The following ARHGEF3 variants were observed in gnomAD, a reference collection of about 807,000 sequenced individuals.
ARHGEF3 encodes 59.8 kDA protein.
ARHGEF3 carries 28 observed loss-of-function variants against 63.2 expected under a neutral mutation model. That is an observed-to-expected ratio of 0.44 (90% CI 0.33 to 0.61). ARHGEF3 has a LOEUF of 0.61. Among genes scored for constraint, ARHGEF3 ranks in the 20% least tolerant of loss-of-function variants. The pLI is 0.03. For synonymous variants in ARHGEF3, 266 were observed against 254.2 expected, an observed-to-expected ratio of 1.05 and a Z score of -0.44; for missense variants, 533 against 659.3, an observed-to-expected ratio of 0.81 and a Z score of 2.10.
In ARHGEF3 at chr3:57,010,039, C is replaced by T. The variant is rs1446407218; in HGVS notation, c.62+25049G>A. On this transcript the variant is annotated intron_variant, in intron 2 of 12. Transcript: ENST00000338458. ...ACCACAGGCAGCTGCCTTCTGAGCC[C>T]GGGCTTCTGACCTCAGGGCTTTCTC... 2.6e-5 allele frequency among the ~76,000 whole-genome samples: 4 copies of T among 152,122 alleles called. No individual in the cohort carries two copies. The South Asian group carries it at 6.2e-4, about 24-fold the overall frequency.
chr3:56,964,919 A>G (rs1026993157), intron 2 of ARHGEF3, among the ~76,000 whole-genome samples: 4 of 152,216 alleles, frequency 2.6e-5, no homozygotes, highest in African/African-American at 9.7e-5. Flanking sequence ...ATTCAAAAAG[A>G]GGTGGAAAGG....
intron 3 of ARHGEF3, among the ~76,000 whole-genome samples, chr3:56,920,124 G>A (rs191869320): frequency 2.0e-4 from 30 of 152,164 alleles, no homozygotes; most frequent in Admixed American, 2.0e-3. Flanking sequence ...TGTTAAAAGG[G>A]GGAAAAAAAC....
rs183474173 is a variant in ARHGEF3 at position 56,958,516 on chromosome 3, G to C, written c.129+307C>G. Among the ~76,000 whole-genome samples, 19 of 151,520 alleles carry C rather than the reference G, an allele frequency of 1.3e-4. 1 individual carries two copies. Among genetic ancestry groups the C allele is most frequent in the South Asian group, 4.2e-4 (2 of 4,764 alleles). On this transcript the variant is annotated intron_variant, in intron 3 of 12. Coordinates refer to the ARHGEF3 transcript ENST00000338458. ...GCTAATTTTCATATTTTTTTTTGTAGAGTAGCAGCTTCGCCATGTTGCCTA... is the reference window on the plus strand; with the variant it reads ...GCTAATTTTCATATTTTTTTTTGTACAGTAGCAGCTTCGCCATGTTGCCTA...
chr3:56,745,262 T>A lies in ARHGEF3; in HGVS notation c.813A>T (p.Arg271=), dbSNP rs1422533766. 9.3e-6 allele frequency: 15 copies of A among 1,613,970 alleles called. No individual in the cohort carries two copies. Among genetic ancestry groups the A allele is most frequent in the African/African-American group, 2.7e-5 (2 of 74,958 alleles). Reference sequence around the variant, plus strand: ...CATTTGGTGTGTGCCTCAAGATTTCTCGGAGAAGCAGAGGGTATTTTACCA... The same window carrying A: ...CATTTGGTGTGTGCCTCAAGATTTCACGGAGAAGCAGAGGGTATTTTACCA... ...SRLVKYPLLL[R]EILRHTPNDN... Residue 271 remains arginine (R), a synonymous_variant, in exon 7 of 10, where the codon CGA becomes CGT. Coordinates refer to ENST00000296315, the MANE Select transcript of ARHGEF3 (RefSeq NM_019555.3).
At chr3:57,007,108 T>C in intron 2 of ARHGEF3, 1 of 1,165,584 alleles carries the variant, frequency 8.6e-7, no homozygotes. Flanking sequence ...CCCAGCAAGG[T>C]GTACAGTTAC....
chr3:56,903,634 T>G (rs975001118), intron 3 of ARHGEF3, among the ~76,000 whole-genome samples: 3 of 152,200 alleles, frequency 2.0e-5, no homozygotes, highest in Admixed American at 2.0e-4. Context: ...GCTGCAGCCC[T>G]GCTAGCTCAC....
Position 56,732,340 on chromosome 3 carries a change from G to C in ARHGEF3, c.1126C>G (p.Arg376Gly), listed in dbSNP as rs201007278. Reference sequence around the variant, plus strand: ...AGGTCTTTCACGGGGATTGGCTGACGGTACAGCTGGTAGCAAAGCTGCTCA... The same window carrying C: ...AGGTCTTTCACGGGGATTGGCTGACCGTACAGCTGGTAGCAAAGCTGCTCA... ...HNEQLCYQLYRQPIPVKDLLL... is the reference protein window; with the variant it reads ...HNEQLCYQLYGQPIPVKDLLL... The change falls in exon 9 of 10, where the codon CGT (arginine) becomes GGT (glycine). Residue 376 changes from arginine to glycine, a missense_variant. Arg to Gly is a moderately radical substitution (Grantham distance 125). Transcript: ENST00000296315. The C allele has an allele frequency of 8.9e-5, 144 of 1,614,216 alleles. 4 individuals carry two copies. The South Asian group carries it at 1.3e-3, about 15-fold the overall frequency.
chr3:56,773,810 T>C lies in ARHGEF3; in HGVS notation c.103A>G (p.Ser35Gly). The C allele has an allele frequency of 1.9e-6, 3 of 1,586,700 alleles. No individual in the cohort carries two copies. The highest frequency in any genetic ancestry group is 2.6e-6 in the Non-Finnish European group (3 of 1,171,824). The change falls in exon 2 of 10, where the codon AGT becomes GGT. Residue 35 changes from serine (S) to glycine (G), a missense_variant. Coordinates refer to ENST00000296315, the MANE Select transcript of ARHGEF3 (RefSeq NM_019555.3). ...SGPAKDAEEP[S>G]NKRVKPLSRV... ...GAAAGGGGTTTGACCCGTTTATTAC[T>C]AGGCTCCTATAGAGTTAAAAAAAAA...
At chr3:56,884,222 T>C (rs933834857) in intron 3 of ARHGEF3, among the ~76,000 whole-genome samples, 27 of 152,106 alleles carry the variant, frequency 1.8e-4, no homozygotes, top group African/African-American at 5.8e-4. Flanking sequence ...GGAGTAAATA[T>C]AGTAATGCAT....
chr3:56,914,067 GT>G (rs1449534970), intron 3 of ARHGEF3, among the ~76,000 whole-genome samples: 2 of 152,324 alleles, frequency 1.3e-5, no homozygotes, highest in East Asian at 3.9e-4. Context: ...ATATGTGGGA[GT>G]TAAGCTATGA....
intron 2 of ARHGEF3, among the ~76,000 whole-genome samples, chr3:56,995,622 AGAG>A (rs1201053305): frequency 1.4e-4 from 2 of 14,564 alleles, no homozygotes; most frequent in African/African-American, 2.8e-4. Flanking sequence ...AAATTTTCCG[AGAG>A]AGAGAGAGAG....
At chr3:56,822,911 G>C (rs1350018331) in intron 4 of ARHGEF3, among the ~76,000 whole-genome samples, 3 of 151,810 alleles carry the variant, frequency 2.0e-5, no homozygotes, top group Admixed American at 1.3e-4. Flanking sequence ...GGGCCATGTG[G>C]TTATGTTGTT....
intron 2 of ARHGEF3, among the ~76,000 whole-genome samples, chr3:56,768,355 G>A (rs548319428): frequency 1.6e-4 from 25 of 151,728 alleles, no homozygotes; most frequent in African/African-American, 6.0e-4. Context: ...CACTACACCC[G>A]GCCTCAATAT....
upstream of ARHGEF3, among the ~76,000 whole-genome samples, chr3:56,806,582 C>T (rs2037868758): frequency 6.6e-6 from 1 of 152,272 alleles, no homozygotes. Context: ...TTTGCAGGAA[C>T]TGTGCCAAGC....
chr3:56,810,399 C>G (rs1459053025), intron 4 of ARHGEF3, among the ~76,000 whole-genome samples: 1 of 152,064 alleles, frequency 6.6e-6, no homozygotes, highest in Non-Finnish European at 1.5e-5. Context: ...GACAAAGTAA[C>G]TGGCATGGTG....
At chr3:56,873,416 GTGTTGT>G (rs1426772335) in intron 4 of ARHGEF3, among the ~76,000 whole-genome samples, 2 of 151,988 alleles carry the variant, frequency 1.3e-5, no homozygotes. Flanking sequence ...GCCCAAGTGT[GTGTTGT>G]TCCCCTCTAT....
chr3:57,013,119 G>A (rs562340281), intron 2 of ARHGEF3, among the ~76,000 whole-genome samples: 2 of 152,352 alleles, frequency 1.3e-5, no homozygotes, highest in East Asian at 3.9e-4. Flanking sequence ...CAGGGCTTGG[G>A]ACCTCCAGCC....
intron 2 of ARHGEF3, among the ~76,000 whole-genome samples, chr3:56,969,147 ACTT>A (rs549356143): frequency 0.14 from 21,109 of 151,710 alleles, 1,593 homozygotes; most frequent in East Asian, 0.25. Flanking sequence ...ATAAAGATCT[ACTT>A]GAACAAAGCA....
At chr3:56,790,117 T>C (rs754121035) in intron 1 of ARHGEF3, among the ~76,000 whole-genome samples, 2 of 152,226 alleles carry the variant, frequency 1.3e-5, no homozygotes, top group Non-Finnish European at 2.9e-5. Context: ...CCCCAGCTAC[T>C]TGGGAAGCTC....
Sources: gnomAD v4.1 joint callset for allele counts (sites outside exome capture counted in the v4.1 genomes callset) on GRCh38, gnomAD v4.1.1 for gene constraint, MANE v1.5 for transcripts, NCBI Gene and HGNC (gene_info 2026-07-23, HGNC 2026-07-21) for gene names.